RBFOX1: variants seen among roughly 807,000 people sequenced by gnomAD.
RBFOX1 encodes the protein RNA binding fox-1 homolog 1, also known as RNA binding protein fox-1 homolog 1.
A neutral mutation model predicts 57.7 loss-of-function variants in RBFOX1; 8 were observed. The observed-to-expected ratio is 0.14, with a 90% CI of 0.08 to 0.25. The LOEUF is 0.25. Among genes scored for constraint, RBFOX1 ranks in the 10% least tolerant of loss-of-function variants. The pLI is 1.00. For synonymous variants in RBFOX1, 326 were observed against 222.4 expected (o/e 1.47, Z -4.15); for missense variants, 611 against 548.5 (o/e 1.11, Z -1.14).
At chr16:7,330,801 CTAAG>C (rs558953208) in intron 4 of RBFOX1, among the ~76,000 whole-genome samples, 178 of 152,092 alleles carry the variant, frequency 1.2e-3, no homozygotes, top group Non-Finnish European at 1.8e-3. Flanking sequence ...CAGGCCTTAC[CTAAG>C]TAAGTAAGAG....
At chr16:5,944,049 C>G (rs1055549572) in intron 4 of RBFOX1, among the ~76,000 whole-genome samples, 3 of 139,386 alleles carry the variant, frequency 2.2e-5, no homozygotes, top group African/African-American at 6.8e-5. Flanking sequence ...TATCATCAAT[C>G]CATCCATCCA....
chr16:6,750,883 A>C (rs538267099), intron 3 of RBFOX1, among the ~76,000 whole-genome samples: 2 of 152,310 alleles, frequency 1.3e-5, no homozygotes, highest in African/African-American at 2.4e-5. Flanking sequence ...GTGATGGTAG[A>C]AGATACAGTA....
chr16:5,996,651 C>T (rs1389422818), intron 4 of RBFOX1, among the ~76,000 whole-genome samples: 5 of 152,088 alleles, frequency 3.3e-5, no homozygotes, highest in African/African-American at 1.2e-4. Flanking sequence ...CATTTACCAC[C>T]TTGGGGCTTG....
chr16:5,720,325 C>T (rs760383198), intron 3 of RBFOX1, among the ~76,000 whole-genome samples: 47 of 152,218 alleles, frequency 3.1e-4, no homozygotes, highest in Admixed American at 6.5e-4. Flanking sequence ...GATCCTAGTC[C>T]TTGATGAAAT....
intron 4 of RBFOX1, among the ~76,000 whole-genome samples, chr16:7,480,560 G>C (rs565850245): frequency 5.9e-4 from 90 of 152,318 alleles, no homozygotes; most frequent in African/African-American, 2.1e-3. Flanking sequence ...AAAGCTGCAA[G>C]CCCTGTCTCC....
chr16:6,624,221 G>C (rs570517559), intron 2 of RBFOX1, among the ~76,000 whole-genome samples: 1 of 152,186 alleles, frequency 6.6e-6, no homozygotes, highest in Admixed American at 6.5e-5. Flanking sequence ...CCTTTCCTAA[G>C]GAGTAAGCCA....
chr16:6,752,040 T>G (rs1379224161), intron 3 of RBFOX1, among the ~76,000 whole-genome samples: 1 of 152,142 alleles, frequency 6.6e-6, no homozygotes, highest in African/African-American at 2.4e-5. Flanking sequence ...ACCACTGCTT[T>G]CAACTTCAGA....
intron 4 of RBFOX1, among the ~76,000 whole-genome samples, chr16:7,486,205 C>T (rs573292017): frequency 1.4e-5 from 2 of 146,718 alleles, no homozygotes; most frequent in East Asian, 4.2e-4. Context: ...TCGCTGCAAC[C>T]TCTGACTCCC....
chr16:7,416,251 G>C (rs981235735), intron 4 of RBFOX1, among the ~76,000 whole-genome samples: 2 of 152,150 alleles, frequency 1.3e-5, no homozygotes, highest in Non-Finnish European at 2.9e-5. Context: ...TTCTCCCCTC[G>C]CTCTCCCTTT....
intron 2 of RBFOX1, among the ~76,000 whole-genome samples, chr16:5,484,699 T>A (rs796974821): frequency 3.3e-5 from 5 of 151,796 alleles, no homozygotes; most frequent in African/African-American, 1.2e-4. Context: ...GGTCATGAGG[T>A]CAGGAGATCG....
intron 1 of RBFOX1, among the ~76,000 whole-genome samples, chr16:6,111,092 A>G (rs1221285521): frequency 1.3e-5 from 2 of 152,110 alleles, no homozygotes; most frequent in Non-Finnish European, 2.9e-5. Context: ...AGGAAGTGTG[A>G]TTTGCCTTGA....
Position 7,367,861 on chromosome 16 carries a change from T to G in RBFOX1, c.28-150286T>G, listed in dbSNP as rs1009248260. Among the ~76,000 whole-genome samples the G allele has an allele frequency of 2.7e-5, 4 of 149,358 alleles. No homozygotes were observed. In the East Asian group the frequency reaches 6.1e-4, roughly 23 times the overall value. The stretch of plus-strand genomic sequence containing the variant: ...ATATATATATGCATATATATGTGCA[T>G]GAGCACGTGCACACATGCGTGCATA... On this transcript the variant is annotated intron_variant, in intron 4 of 15. Coordinates refer to ENST00000550418, the MANE Select transcript of RBFOX1 (RefSeq NM_018723.4).
At chr16:7,643,919 C>T (rs1367978239) in intron 11 of RBFOX1, among the ~76,000 whole-genome samples, 1 of 152,152 alleles carries the variant, frequency 6.6e-6, no homozygotes, top group Non-Finnish European at 1.5e-5. Context: ...ATATTGAGAT[C>T]TCTGGGAGGA....
chr16:6,709,840 G>A (rs2063412938), intron 3 of RBFOX1, among the ~76,000 whole-genome samples: 1 of 152,086 alleles, frequency 6.6e-6, no homozygotes, highest in South Asian at 2.1e-4. Context: ...AACGCTGGCT[G>A]GTACACAACC....
intron 3 of RBFOX1, among the ~76,000 whole-genome samples, chr16:6,860,087 T>A (rs1314900392): frequency 6.6e-6 from 1 of 152,192 alleles, no homozygotes; most frequent in Non-Finnish European, 1.5e-5. Context: ...TTTGGAATTG[T>A]GTACTATTTT....
intron 3 of RBFOX1, among the ~76,000 whole-genome samples, chr16:5,760,459 C>G (rs570338084): frequency 6.6e-6 from 1 of 152,102 alleles, no homozygotes; most frequent in Non-Finnish European, 1.5e-5. Context: ...TGTCCATATA[C>G]GTGAGTAGCA....
At chr16:5,607,412 G>C (rs2047624358) in intron 3 of RBFOX1, among the ~76,000 whole-genome samples, 1 of 152,188 alleles carries the variant, frequency 6.6e-6, no homozygotes, top group African/African-American at 2.4e-5. Flanking sequence ...CGCAGGGTCT[G>C]CCATTTCTCT....
chr16:6,951,754 G>A (rs778033218), intron 3 of RBFOX1, among the ~76,000 whole-genome samples: 1 of 152,122 alleles, frequency 6.6e-6, no homozygotes, highest in East Asian at 1.9e-4. Flanking sequence ...TCTCTTTTGA[G>A]ATGGAGTCTC....
chr16:5,593,587 G>A (rs769820278), intron 2 of RBFOX1, among the ~76,000 whole-genome samples: 9 of 152,256 alleles, frequency 5.9e-5, no homozygotes, highest in Admixed American at 2.6e-4. Flanking sequence ...ACCTCTGGTC[G>A]TCCTCACTGC....
Sources: gnomAD v4.1 joint callset for allele counts (sites outside exome capture counted in the v4.1 genomes callset) on GRCh38, gnomAD v4.1.1 for gene constraint, MANE v1.5 for transcripts, NCBI Gene and HGNC (gene_info 2026-07-23, HGNC 2026-07-21) for gene names.